FSTL5: variants seen among roughly 807,000 people sequenced by gnomAD.
The protein encoded by FSTL5 is follistatin-related protein 5.
In FSTL5, 62 loss-of-function variants were observed where a neutral mutation model predicts 89.1. The ratio of observed to expected loss-of-function variants is 0.70; its 90% confidence interval spans 0.57 to 0.86. The LOEUF is 0.86. FSTL5 is among the 40% of genes least tolerant of loss of function. FSTL5 has a pLI of 0.00. For synonymous variants in FSTL5, 383 were observed against 346.2 expected (o/e 1.11, Z -1.18); for missense variants, 1,057 against 1,001.6 (o/e 1.06, Z -0.75).
At chr4:161,679,844 A>G (rs1425795349) in intron 6 of FSTL5, among the ~76,000 whole-genome samples, 3 of 151,848 alleles carry the variant, frequency 2.0e-5, no homozygotes, top group Non-Finnish European at 4.4e-5. Context: ...ATGAAGGGTC[A>G]TGCCCTCACA....
In FSTL5 at chr4:161,759,443, T is replaced by A. The variant is rs765439121; in HGVS notation, c.695A>T (p.His232Leu). ...LKYDDFNADK[H>L]LALEEFYRAF... is the part of the protein sequence containing the mutation. ...TCTATAAAATTCTTCAAGAGCCAGG[T>A]GCTTGTCAGCATTAAAATCATCATA... The change falls in exon 6 of 16, where the codon CAC becomes CTC. Residue 232 changes from histidine (H) to leucine (L), a missense_variant. Coordinates refer to ENST00000306100, the MANE Select transcript of FSTL5 (RefSeq NM_020116.5). The A allele has an allele frequency of 6.3e-7, 1 of 1,595,344 alleles. No individual in the cohort carries two copies. The highest frequency in any genetic ancestry group is 8.5e-7 in the Non-Finnish European group (1 of 1,172,158).
chr4:162,078,213 G>A (rs1602663), intron 2 of FSTL5, among the ~76,000 whole-genome samples: 142,727 of 151,768 alleles, frequency 0.94, 67,238 homozygotes, highest in Non-Finnish European at 0.98. Context: ...ATTTCTGAAG[G>A]TCTCTCCTTT....
At chr4:161,637,441 T>C (rs1384978190) in intron 7 of FSTL5, among the ~76,000 whole-genome samples, 1 of 150,036 alleles carries the variant, frequency 6.7e-6, no homozygotes, top group Non-Finnish European at 1.5e-5. Flanking sequence ...GTAGTTTCTT[T>C]TGCTGTGCAG....
chr4:161,424,370 G>T (rs1238660312), intron 15 of FSTL5, among the ~76,000 whole-genome samples: 15 of 150,380 alleles, frequency 1.0e-4, no homozygotes, highest in African/African-American at 3.4e-4. Context: ...GGAACATAGG[G>T]CATAGTGTTA....
chr4:161,999,066 G>T (rs1308349015), intron 3 of FSTL5, among the ~76,000 whole-genome samples: 2 of 152,092 alleles, frequency 1.3e-5, no homozygotes, highest in African/African-American at 4.8e-5. Context: ...AGTTTTTCAG[G>T]TTTCTAAGGG....
intron 6 of FSTL5, among the ~76,000 whole-genome samples, chr4:161,742,919 T>G (rs1740076980): frequency 6.6e-6 from 1 of 152,126 alleles, no homozygotes. Context: ...GATATTCGTA[T>G]ATCTTTGAAA....
At chr4:161,426,984 A>G (rs1372344575) in intron 15 of FSTL5, among the ~76,000 whole-genome samples, 1 of 152,196 alleles carries the variant, frequency 6.6e-6, no homozygotes, top group Admixed American at 6.5e-5. Flanking sequence ...CTTAAAATGT[A>G]AATAACATAT....
chr4:161,423,544 G>T (rs1732061500), intron 15 of FSTL5, among the ~76,000 whole-genome samples: 2 of 151,152 alleles, frequency 1.3e-5, no homozygotes, highest in Non-Finnish European at 2.9e-5. Flanking sequence ...TATTTTTTTG[G>T]CATGATAGCT....
chr4:161,813,282 G>C (rs1214851769), intron 4 of FSTL5, among the ~76,000 whole-genome samples: 1 of 152,014 alleles, frequency 6.6e-6, no homozygotes, highest in African/African-American at 2.4e-5. Flanking sequence ...GCCCGCCTTG[G>C]CCTCCCAAAG....
At chr4:162,087,455 AATATATCTC>A (rs1427360975) in intron 2 of FSTL5, among the ~76,000 whole-genome samples, 2 of 152,126 alleles carry the variant, frequency 1.3e-5, no homozygotes, top group Non-Finnish European at 2.9e-5. Flanking sequence ...TACAGGGGTG[AATATATCTC>A]ATACTTAAAA....
chr4:161,811,912 G>A (rs527640927), intron 4 of FSTL5, among the ~76,000 whole-genome samples: 7 of 152,074 alleles, frequency 4.6e-5, no homozygotes, highest in South Asian at 2.1e-4. Context: ...AGAATGTTCC[G>A]AGGATCGCTA....
intron 10 of FSTL5, among the ~76,000 whole-genome samples, chr4:161,521,799 A>G (rs1391852982): frequency 4.2e-5 from 6 of 142,278 alleles, no homozygotes; most frequent in African/African-American, 1.6e-4. Flanking sequence ...CAGTGAGCCG[A>G]GATCGCGCCA....
intron 7 of FSTL5, among the ~76,000 whole-genome samples, chr4:161,626,335 T>C (rs1445035489): frequency 1.3e-5 from 2 of 152,170 alleles, no homozygotes; most frequent in Non-Finnish European, 2.9e-5. Flanking sequence ...TTTATTATTC[T>C]GAAAATCCTA....
At chr4:162,143,694 T>A (rs1409875798) in intron 1 of FSTL5, among the ~76,000 whole-genome samples, 1 of 146,142 alleles carries the variant, frequency 6.8e-6, no homozygotes, top group East Asian at 2.0e-4. Context: ...TCCTAAAAGC[T>A]AAGGGTACGT....
chr4:161,978,351 CA>C (rs1735722657), intron 3 of FSTL5, among the ~76,000 whole-genome samples: 1 of 151,912 alleles, frequency 6.6e-6, no homozygotes, highest in African/African-American at 2.4e-5. Flanking sequence ...GAAAACAAAA[CA>C]AAAAACCCTT....
intron 7 of FSTL5, among the ~76,000 whole-genome samples, chr4:161,627,968 G>A (rs537254207): frequency 6.6e-6 from 1 of 152,130 alleles, no homozygotes; most frequent in African/African-American, 2.4e-5. Context: ...ACACACAAAA[G>A]AATTAGCCAT....
intron 2 of FSTL5, among the ~76,000 whole-genome samples, chr4:162,076,768 C>A (rs963096595): frequency 6.6e-6 from 1 of 151,780 alleles, no homozygotes; most frequent in African/African-American, 2.4e-5. Flanking sequence ...GAGGCCCAAA[C>A]AGGTTCTATA....
At chr4:161,932,238 T>G (rs1474337370) in intron 3 of FSTL5, among the ~76,000 whole-genome samples, 1 of 152,004 alleles carries the variant, frequency 6.6e-6, no homozygotes, top group African/African-American at 2.4e-5. Flanking sequence ...CATATTCTTT[T>G]CAACTGAAGC....
intron 2 of FSTL5, among the ~76,000 whole-genome samples, chr4:162,094,301 C>A (rs558198986): frequency 2.0e-5 from 3 of 152,050 alleles, no homozygotes; most frequent in Non-Finnish European, 2.9e-5. Flanking sequence ...GCAGGAGAAT[C>A]GCTTGAACCT....
Sources: gnomAD v4.1 joint callset for allele counts (sites outside exome capture counted in the v4.1 genomes callset) on GRCh38, gnomAD v4.1.1 for gene constraint, MANE v1.5 for transcripts, NCBI Gene and HGNC (gene_info 2026-07-23, HGNC 2026-07-21) for gene names.